Variants in SLC24A2 observed in about 807,000 individuals in gnomAD.
SLC24A2 encodes sodium/potassium/calcium exchanger 2.
Under a neutral mutation model 62.0 loss-of-function variants are expected in SLC24A2, and 36 were observed. The ratio of observed to expected loss-of-function variants is 0.58; its 90% CI spans 0.44 to 0.77. SLC24A2 has a LOEUF of 0.77. Ranked by LOEUF, SLC24A2 falls within the 30% of genes least tolerant of loss-of-function variation. SLC24A2 has a pLI of 0.00. For missense variants in SLC24A2, 846 were observed against 817.9 expected (o/e 1.03, Z -0.42); for synonymous variants, 358 against 294.0 (o/e 1.22, Z -2.23).
chr9:19,695,813 ATC>A (rs1427478779), intron 2 of SLC24A2, among the ~76,000 whole-genome samples: 1 of 152,134 alleles, frequency 6.6e-6, no homozygotes, highest in Non-Finnish European at 1.5e-5. Context: ...AGAGCTAAGT[ATC>A]TCAATACAGA....
chr9:19,920,435 C>T, the SLC24A2 span, among the ~76,000 whole-genome samples: 28 of 152,122 alleles, frequency 1.8e-4, no homozygotes, highest in African/African-American at 4.6e-4. Flanking sequence ...GATGTAGACC[C>T]TGAGACAAGG....
intron 7 of SLC24A2, among the ~76,000 whole-genome samples, chr9:19,555,223 A>G (rs189643524): frequency 1.3e-5 from 2 of 152,210 alleles, no homozygotes; most frequent in South Asian, 2.1e-4. Context: ...AGTTCTTTAC[A>G]GTGCAAGTTT....
chr9:19,582,137 GT>G (rs1298470129), intron 5 of SLC24A2, among the ~76,000 whole-genome samples: 3 of 152,160 alleles, frequency 2.0e-5, no homozygotes, highest in African/African-American at 7.2e-5. Flanking sequence ...AAGTGCGGAA[GT>G]AAAAGATCCA....
At chr9:19,637,480 T>C (rs1818389206) in intron 2 of SLC24A2, among the ~76,000 whole-genome samples, 1 of 152,168 alleles carries the variant, frequency 6.6e-6, no homozygotes, top group African/African-American at 2.4e-5. Flanking sequence ...TGTGATTGCA[T>C]TCACCTTGAA....
At chr9:20,181,325 C>T in the SLC24A2 span, among the ~76,000 whole-genome samples, 1 of 151,962 alleles carries the variant, frequency 6.6e-6, no homozygotes, top group African/African-American at 2.4e-5. Context: ...TTAAAGTCCA[C>T]CAGCACTGTC....
At chr9:20,223,759 A>C in the SLC24A2 span, among the ~76,000 whole-genome samples, 1 of 152,160 alleles carries the variant, frequency 6.6e-6, no homozygotes, top group Non-Finnish European at 1.5e-5. Context: ...AAATGGTGCT[A>C]GAATAATTGG....
At chr9:19,629,673 G>GC (rs376215429) in intron 2 of SLC24A2, among the ~76,000 whole-genome samples, 280 of 152,248 alleles carry the variant, frequency 1.8e-3, no homozygotes, top group Middle Eastern at 0.01. Context: ...GGAAAAAAGG[G>GC]CCCCCCTGGT....
chr9:19,815,515 T>C, the SLC24A2 span, among the ~76,000 whole-genome samples: 2 of 152,152 alleles, frequency 1.3e-5, no homozygotes, highest in Admixed American at 6.6e-5. Context: ...ATATCCTTTT[T>C]TTCCTTTTAA....
chr9:19,713,893 T>C (rs1820785927), intron 2 of SLC24A2, among the ~76,000 whole-genome samples: 1 of 152,032 alleles, frequency 6.6e-6, no homozygotes, highest in Non-Finnish European at 1.5e-5. Flanking sequence ...TCAAAAGAAA[T>C]TACAAGCACC....
intron 7 of SLC24A2, among the ~76,000 whole-genome samples, chr9:19,560,576 G>A (rs1340290802): frequency 6.6e-6 from 1 of 152,154 alleles, no homozygotes; most frequent in African/African-American, 2.4e-5. Context: ...CCTTACCAGA[G>A]ACTGAATCTG....
chr9:19,994,701 G>A, the SLC24A2 span, among the ~76,000 whole-genome samples: 4 of 152,248 alleles, frequency 2.6e-5, no homozygotes, highest in South Asian at 2.1e-4. Context: ...TGTGAGGATC[G>A]GACATGGGCT....
the SLC24A2 span, among the ~76,000 whole-genome samples, chr9:20,164,261 A>G: frequency 2.0e-5 from 3 of 151,872 alleles, no homozygotes; most frequent in Non-Finnish European, 2.9e-5. Context: ...TCCAGAATCT[A>G]CAATGAACTC....
chr9:20,029,860 G>A, the SLC24A2 span, among the ~76,000 whole-genome samples: 1 of 152,146 alleles, frequency 6.6e-6, no homozygotes. Flanking sequence ...ATGTATGTGT[G>A]TGTGGTGGAG....
At chr9:19,600,248 C>T (rs765528602) in intron 4 of SLC24A2, among the ~76,000 whole-genome samples, 38 of 152,244 alleles carry the variant, frequency 2.5e-4, no homozygotes, top group Admixed American at 6.5e-5. Context: ...GAGAATCACA[C>T]TTGCTTTCAT....
the SLC24A2 span, among the ~76,000 whole-genome samples, chr9:20,029,502 A>G: frequency 6.6e-6 from 1 of 152,162 alleles, no homozygotes; most frequent in African/African-American, 2.4e-5. Flanking sequence ...TGCAGCATCC[A>G]TGCTCTTATG....
the SLC24A2 span, among the ~76,000 whole-genome samples, chr9:20,237,230 G>A: frequency 2.6e-4 from 39 of 152,250 alleles, no homozygotes; most frequent in Middle Eastern, 0.017. Flanking sequence ...ACTTCTATAT[G>A]TATCATATAT....
At chr9:20,039,603 T>A in the SLC24A2 span, among the ~76,000 whole-genome samples, 19 of 152,012 alleles carry the variant, frequency 1.2e-4, no homozygotes, top group Non-Finnish European at 2.6e-4. Context: ...TTCCTGGGCT[T>A]AGGTTTCGGG....
the SLC24A2 span, among the ~76,000 whole-genome samples, chr9:19,887,135 C>T: frequency 6.6e-6 from 1 of 152,236 alleles, no homozygotes; most frequent in South Asian, 2.1e-4. Flanking sequence ...ATAGGTGCAG[C>T]AAATCACTAT....
At chr9:19,937,662 T>C in the SLC24A2 span, among the ~76,000 whole-genome samples, 1 of 152,368 alleles carries the variant, frequency 6.6e-6, no homozygotes, top group African/African-American at 2.4e-5. Context: ...AATATATCTA[T>C]GTATCCTAAT....
Sources: gnomAD v4.1 joint callset for allele counts (sites outside exome capture counted in the v4.1 genomes callset) on GRCh38, gnomAD v4.1.1 for gene constraint, MANE v1.5 for transcripts, NCBI Gene and HGNC (gene_info 2026-07-23, HGNC 2026-07-21) for gene names.